Variants in SLC5A8 observed in about 807,000 individuals in gnomAD.
SLC5A8 encodes solute carrier family 5 member 8.
In SLC5A8, 55 loss-of-function variants were observed where a neutral mutation model predicts 71.9. The observed-to-expected ratio is 0.77, with a 90% CI of 0.62 to 0.96. SLC5A8 has a LOEUF of 0.96. Ranked by LOEUF, SLC5A8 falls within the 40% of genes least tolerant of loss-of-function variation. SLC5A8 has a pLI of 0.00. For missense variants in SLC5A8, 701 were observed against 745.3 expected, an observed-to-expected ratio of 0.94 and a Z score of 0.69; for synonymous variants, 307 against 276.1, an observed-to-expected ratio of 1.11 and a Z score of -1.11.
At chr12:101,180,204 G>T in intron 9 of SLC5A8, 108 bp from the exon 10 acceptor site, 2 of 1,119,584 alleles carry the variant, frequency 1.8e-6, no homozygotes, top group Non-Finnish European at 2.7e-6. Flanking sequence ...TATGACTGTG[G>T]TGAAGAATGG....
chr12:101,167,421 C>A (rs2051783737), intron 11 of SLC5A8, among the ~76,000 whole-genome samples: 1 of 152,188 alleles, frequency 6.6e-6, no homozygotes, highest in African/African-American at 2.4e-5. Flanking sequence ...GAAGCGACTG[C>A]ACATACATTA....
At chr12:101,184,098 A>G in intron 8 of SLC5A8, 36 bp downstream of exon 8, 4 of 1,571,328 alleles carry the variant, frequency 2.5e-6, no homozygotes, top group Non-Finnish European at 3.5e-6. Context: ...AGATCCCAAC[A>G]GGGAAATCAT....
chr12:101,175,865 A>C (rs2051875340), intron 10 of SLC5A8, among the ~76,000 whole-genome samples: 1 of 152,120 alleles, frequency 6.6e-6, no homozygotes, highest in African/African-American at 2.4e-5. Context: ...AGAATGGCTA[A>C]AAGAAGTTTT....
At chr12:101,158,757 A>G (rs1003564541) in intron 13 of SLC5A8, among the ~76,000 whole-genome samples, 4 of 150,682 alleles carry the variant, frequency 2.7e-5, no homozygotes, top group African/African-American at 9.7e-5. Context: ...AGCACCCTCC[A>G]TGCCATCAGT....
In SLC5A8 at chr12:101,157,187, C is replaced by T; in HGVS notation, c.*92G>A. The T allele has an allele frequency of 7.0e-7, 1 of 1,438,420 alleles. No individual in the cohort carries two copies. The highest frequency in any genetic ancestry group is 9.4e-7 in the Non-Finnish European group (1 of 1,058,670). The allele number at this position is 1,438,420 out of a possible 1,614,324, so 89.1% of individuals were successfully genotyped here. A position where few individuals can be genotyped will look rare whatever the true frequency, so the allele number is the denominator to read the frequency against. On this transcript the variant is annotated 3_prime_UTR_variant, in exon 15 of 15. Coordinates refer to ENST00000536262, the MANE Select transcript of SLC5A8 (RefSeq NM_145913.5). ...TCCCCCAAACACTCATGATACAACA[C>T]ACACACACACACAAAGAAAACCTGA...
chr12:101,158,554 C>G (rs1390391916), intron 13 of SLC5A8, among the ~76,000 whole-genome samples: 4 of 26,466 alleles, frequency 1.5e-4, no homozygotes, highest in Non-Finnish European at 2.3e-4. Context: ...ATATGAGTCT[C>G]TCTCTCTCTC....
intron 4 of SLC5A8, 37 bp downstream of exon 4, chr12:101,195,058 T>C: frequency 6.2e-7 from 1 of 1,608,560 alleles, no homozygotes; most frequent in Non-Finnish European, 8.5e-7. Flanking sequence ...GCAAAGCAAG[T>C]GGGTAGAGTG....
At chr12:101,190,316 G>A in intron 6 of SLC5A8, 152 bp downstream of exon 6, 3 of 782,012 alleles carry the variant, frequency 3.8e-6, no homozygotes, top group Non-Finnish European at 5.9e-6. Flanking sequence ...GTAACAATTT[G>A]TTCTTGGTCC....
intron 3 of SLC5A8, among the ~76,000 whole-genome samples, chr12:101,200,360 C>T (rs368307854): frequency 3.9e-5 from 6 of 152,162 alleles, no homozygotes; most frequent in African/African-American, 1.4e-4. Context: ...TACACTTCCC[C>T]ATGCTCTGTG....
chr12:101,158,706 AC>A (rs1398061807), intron 13 of SLC5A8, among the ~76,000 whole-genome samples: 1 of 147,860 alleles, frequency 6.8e-6, no homozygotes, highest in Non-Finnish European at 1.5e-5. Context: ...AACTAGAGAA[AC>A]AGTCATCTGG....
intron 2 of SLC5A8, among the ~76,000 whole-genome samples, chr12:101,203,789 A>T (rs773516798): frequency 3.5e-4 from 54 of 152,234 alleles, no homozygotes; most frequent in Non-Finnish European, 6.3e-4. Context: ...CATGACAATG[A>T]TCATTACAAT....
At chr12:101,190,360 A>T in intron 6 of SLC5A8, 108 bp downstream of exon 6, 2 of 1,228,226 alleles carry the variant, frequency 1.6e-6, no homozygotes, top group Admixed American at 5.3e-5. Flanking sequence ...ATCTCTTGGA[A>T]TTTCATGACA....
Position 101,202,222 on chromosome 12 carries a change from G to C in SLC5A8, c.418-7C>G. On this transcript the variant is annotated splice_region_variant and splice_polypyrimidine_tract_variant and intron_variant, in intron 2 of 14. Transcript: ENST00000536262. ...CAATTCCAGTATACAGAATCTAGGG[G>C]GGAGAAAGAAAGCCAAATGAATTAT... The C allele has an allele frequency of 6.4e-7, 1 of 1,563,340 alleles. No individual in the cohort carries two copies. Among genetic ancestry groups the C allele is most frequent in the South Asian group, 1.2e-5 (1 of 84,506 alleles).
intron 10 of SLC5A8, among the ~76,000 whole-genome samples, chr12:101,173,303 A>C (rs2051848619): frequency 6.6e-6 from 1 of 152,194 alleles, no homozygotes; most frequent in South Asian, 2.1e-4. Flanking sequence ...GTCTTTGAGC[A>C]GGCTTTGAAT....
intron 7 of SLC5A8, among the ~76,000 whole-genome samples, chr12:101,186,002 A>G (rs1868619964): frequency 1.3e-5 from 2 of 152,026 alleles, no homozygotes; most frequent in Admixed American, 1.3e-4. Flanking sequence ...AGAAATCTTC[A>G]CGGACTCTCT....
intron 3 of SLC5A8, among the ~76,000 whole-genome samples, chr12:101,200,306 T>C (rs1869405461): frequency 6.6e-6 from 1 of 152,020 alleles, no homozygotes; most frequent in African/African-American, 2.4e-5. Flanking sequence ...AGCGGGGTGG[T>C]AGTCACACAA....
At chr12:101,162,133 A>G (rs2051729330) in intron 12 of SLC5A8, 56 bp from the exon 13 acceptor site, 5 of 1,094,694 alleles carry the variant, frequency 4.6e-6, no homozygotes, top group Non-Finnish European at 7.0e-6. Context: ...AGCAACTACC[A>G]GTATATACCA....
At chr12:101,198,742 C>A (rs1376283633) in intron 3 of SLC5A8, among the ~76,000 whole-genome samples, 7 of 151,848 alleles carry the variant, frequency 4.6e-5, no homozygotes, top group Non-Finnish European at 1.0e-4. Flanking sequence ...TAAACTATTT[C>A]AGAAAATGGA....
At chr12:101,170,638 A>G (rs896781612) in intron 10 of SLC5A8, among the ~76,000 whole-genome samples, 37 of 152,264 alleles carry the variant, frequency 2.4e-4, no homozygotes, top group Non-Finnish European at 4.1e-4. Context: ...CAGCCTAGGA[A>G]GATAGAAAAC....
Sources: gnomAD v4.1 joint callset for allele counts (sites outside exome capture counted in the v4.1 genomes callset) on GRCh38, gnomAD v4.1.1 for gene constraint, MANE v1.5 for transcripts, NCBI Gene and HGNC (gene_info 2026-07-23, HGNC 2026-07-21) for gene names.